Variants in ATP8A1 observed in about 807,000 individuals in gnomAD.
ATP8A1 encodes ATPase phospholipid transporting 8A1.
ATP8A1 carries 90 observed loss-of-function variants against 177.7 expected under a neutral mutation model. The observed-to-expected ratio is 0.51, with a 90% confidence interval of 0.43 to 0.60. ATP8A1 has a LOEUF of 0.60. Ranked by LOEUF, ATP8A1 falls within the 20% of genes least tolerant of loss-of-function variation. The pLI is 0.00. For missense variants in ATP8A1, 1,072 were observed against 1,392.8 expected (o/e 0.77, Z 3.67); for synonymous variants, 493 against 485.9 (o/e 1.01, Z -0.19).
rs777744605 is a variant in ATP8A1, at chr4:42,590,845, G to A, written c.490C>T (p.His164Tyr). The A allele has an allele frequency of 3.7e-6, 6 of 1,612,818 alleles. No homozygotes were observed. In the South Asian group the frequency reaches 6.6e-5, roughly 18 times the overall value. ...AGACTGATGAGATCTGCTGGGAGAT[G>A]TTCCCCATTGGTCACTTTCACTATC... ...GEIVKVTNGE[H>Y]LPADLISLSS... The change falls in exon 7 of 37, where the codon CAT becomes TAT. Residue 164 changes from histidine (H) to tyrosine (Y), a missense_variant. By Grantham distance (83) the His-to-Tyr change is moderately conservative. Coordinates refer to ENST00000381668, the MANE Select transcript of ATP8A1 (RefSeq NM_006095.2).
At chr4:42,429,388 T>TTTTG (rs200256346) in intron 33 of ATP8A1, among the ~76,000 whole-genome samples, 64 of 151,200 alleles carry the variant, frequency 4.2e-4, no homozygotes, top group African/African-American at 1.4e-3. Context: ...AGTGTTTTGT[T>TTTTG]TTTTTTTTTG....
intron 29 of ATP8A1, among the ~76,000 whole-genome samples, chr4:42,453,004 T>C (rs909069760): frequency 6.6e-6 from 1 of 152,238 alleles, no homozygotes; most frequent in African/African-American, 2.4e-5. Context: ...TACGCTCCAA[T>C]ACATTACACA....
rs558756412 is a variant in ATP8A1 at position 42,536,918 on chromosome 4, G to C, written c.1722+6999C>G. Among the ~76,000 whole-genome samples the C allele has an allele frequency of 1.1e-3, 173 of 152,242 alleles. No homozygotes were observed. In the South Asian group the frequency reaches 0.012, roughly 11 times the overall value. On this transcript the variant is annotated intron_variant, in intron 20 of 36. Transcript: ENST00000381668. ...GGCCAAGGCGGGCAGATGACCTGAG[G>C]TCTGGAGTTCGAGACCAGCCTGGCC... is the stretch of plus-strand genomic sequence containing the variant.
chr4:42,630,160 G>A (rs1452623641), intron 1 of ATP8A1, among the ~76,000 whole-genome samples: 1 of 152,070 alleles, frequency 6.6e-6, no homozygotes, highest in Admixed American at 6.6e-5. Flanking sequence ...GTGCATACCT[G>A]GGCAATGCCT....
intron 9 of ATP8A1, 76 bp from the exon 10 acceptor site, chr4:42,581,808 A>G (rs1733110531): frequency 9.8e-7 from 1 of 1,017,036 alleles, no homozygotes; most frequent in African/African-American, 1.6e-5. Context: ...TATAGTTACA[A>G]AAGTACCCAT....
At chr4:42,463,321 G>A (rs952592553) in intron 27 of ATP8A1, among the ~76,000 whole-genome samples, 20 of 152,152 alleles carry the variant, frequency 1.3e-4, no homozygotes, top group African/African-American at 3.6e-4. Flanking sequence ...TGATGTTCTC[G>A]TGATAGTGAA....
intron 36 of ATP8A1, among the ~76,000 whole-genome samples, chr4:42,414,186 G>A (rs538332489): frequency 6.6e-6 from 1 of 152,326 alleles, no homozygotes; most frequent in East Asian, 1.9e-4. Flanking sequence ...GAAATGTTAA[G>A]AGGGCACAAT....
chr4:42,467,285 G>GGGCCGGGCGCGGTGGCTCACGCCTGTAAT (rs1719875284), intron 25 of ATP8A1, among the ~76,000 whole-genome samples: 1 of 152,088 alleles, frequency 6.6e-6, no homozygotes, highest in African/African-American at 2.4e-5. Context: ...GAGTAGGATT[G>GGGCCGGGCGCGGTGGCTCACGCCTGTAAT]CCCTTAGCAA....
intron 24 of ATP8A1, among the ~76,000 whole-genome samples, chr4:42,486,547 T>C (rs572882537): frequency 6.6e-6 from 1 of 152,200 alleles, no homozygotes; most frequent in Non-Finnish European, 1.5e-5. Context: ...TACACGACCA[T>C]GCAATCACAA....
rs11311245 is a variant in ATP8A1, at chr4:42,446,080, C to CAAAAAAAAAAAAAAAAAAAAA, written c.2958+502_2958+503insTTTTTTTTTTTTTTTTTTTTT. 5.3e-4 allele frequency among the ~76,000 whole-genome samples: 34 copies of CAAAAAAAAAAAAAAAAAAAAA among 63,904 alleles called. 5 individuals are homozygous for CAAAAAAAAAAAAAAAAAAAAA. Among genetic ancestry groups the CAAAAAAAAAAAAAAAAAAAAA allele is most frequent in the East Asian group, 2.0e-3 (2 of 988 alleles). 41.9% of individuals were successfully genotyped at this position (63,904 alleles called of 152,430 possible). Reference sequence around the variant, plus strand: ...GGGCGACAAGAGTGAAACGCCCTCTCAAAAAAAAAAAAAAAAAAAGAGAAG... The same window carrying CAAAAAAAAAAAAAAAAAAAAA: ...GGGCGACAAGAGTGAAACGCCCTCTCAAAAAAAAAAAAAAAAAAAAAAAAAAAAAAAAAAAAAAAAGAGAAG... On this transcript the variant is annotated intron_variant, in intron 31 of 36. Transcript: ENST00000381668.
intron 24 of ATP8A1, among the ~76,000 whole-genome samples, chr4:42,502,496 C>T (rs768430663): frequency 6.6e-5 from 10 of 152,152 alleles, no homozygotes; most frequent in Non-Finnish European, 1.2e-4. Flanking sequence ...AGCAAGGCTA[C>T]CATACGCTAC....
At chr4:42,612,540 C>T (rs955757507) in intron 5 of ATP8A1, among the ~76,000 whole-genome samples, 3 of 150,976 alleles carry the variant, frequency 2.0e-5, no homozygotes, top group South Asian at 4.2e-4. Context: ...GACTTCTGAG[C>T]GTCAACCTAC....
chr4:42,456,527 A>AT (rs1379910594), intron 27 of ATP8A1, among the ~76,000 whole-genome samples: 1 of 152,190 alleles, frequency 6.6e-6, no homozygotes, highest in Non-Finnish European at 1.5e-5. Context: ...TGGAAACAAA[A>AT]TTAAGGGACA....
At position 42,624,945 on chromosome 4, in the gene ATP8A1, A is replaced by G. The variant is rs186368377; in HGVS notation, c.265-311T>C. 3.3e-5 allele frequency among the ~76,000 whole-genome samples: 5 copies of G among 152,198 alleles called. No individual in the cohort carries two copies. The East Asian group carries it at 9.6e-4, about 29-fold the overall frequency. On this transcript the variant is annotated intron_variant, in intron 3 of 36. Coordinates refer to ENST00000381668, the MANE Select transcript of ATP8A1 (RefSeq NM_006095.2). ...TTTAGAAACACAATGAATAACTGGG[A>G]AAATATCCATACATTGTTATATGAA...
intron 7 of ATP8A1, among the ~76,000 whole-genome samples, chr4:42,589,806 A>G (rs1733974584): frequency 6.6e-6 from 1 of 152,154 alleles, no homozygotes; most frequent in African/African-American, 2.4e-5. Flanking sequence ...ACTAAATGAC[A>G]ATGTTGATTC....
At chr4:42,486,180 G>A (rs1336000633) in intron 24 of ATP8A1, among the ~76,000 whole-genome samples, 1 of 152,172 alleles carries the variant, frequency 6.6e-6, no homozygotes, top group Non-Finnish European at 1.5e-5. Context: ...TGGCTGGAAT[G>A]GGACCTCACA....
chr4:42,601,660 T>C (rs1286174079), intron 5 of ATP8A1, among the ~76,000 whole-genome samples: 2 of 152,106 alleles, frequency 1.3e-5, no homozygotes, highest in African/African-American at 4.8e-5. Flanking sequence ...TATCCAGATG[T>C]AAATTCCATG....
chr4:42,555,211 C>G (rs921906800), intron 16 of ATP8A1, among the ~76,000 whole-genome samples: 1 of 101,358 alleles, frequency 9.9e-6, no homozygotes, highest in Admixed American at 9.4e-5. Flanking sequence ...ATTAGTTCTG[C>G]CCCCCCCTAG....
chr4:42,507,800 A>C (rs1378464014), intron 22 of ATP8A1, among the ~76,000 whole-genome samples: 61 of 146,092 alleles, frequency 4.2e-4, no homozygotes, highest in African/African-American at 1.4e-3. Context: ...AAAAAAAAAA[A>C]AAAAAAAAAC....
Sources: gnomAD v4.1 joint callset for allele counts (sites outside exome capture counted in the v4.1 genomes callset) on GRCh38, gnomAD v4.1.1 for gene constraint, MANE v1.5 for transcripts, NCBI Gene and HGNC (gene_info 2026-07-23, HGNC 2026-07-21) for gene names.